WDTC1: variants seen among roughly 807,000 people sequenced by gnomAD.
WDTC1 encodes WD and tetratricopeptide repeats protein 1.
A neutral mutation model predicts 76.0 loss-of-function variants in WDTC1; 12 were observed. That is an observed-to-expected ratio of 0.16 (90% CI 0.10 to 0.26). WDTC1 has a LOEUF of 0.26. Among genes scored for constraint, WDTC1 ranks in the 10% least tolerant of loss-of-function variants. The pLI, the probability that WDTC1 is intolerant of heterozygous loss-of-function variation, is 1.00. For missense variants in WDTC1, 511 were observed against 908.8 expected (o/e 0.56, Z 5.63); for synonymous variants, 326 against 350.8 (o/e 0.93, Z 0.79).
chr1:27,291,751 G>A (rs1161610116), intron 6 of WDTC1, among the ~76,000 whole-genome samples: 2 of 152,128 alleles, frequency 1.3e-5, no homozygotes, highest in Non-Finnish European at 2.9e-5. Context: ...AGGTAGGAAC[G>A]GAGCAGTGTT....
intron 1 of WDTC1, among the ~76,000 whole-genome samples, chr1:27,253,736 CT>C (rs2012178869): frequency 6.6e-6 from 1 of 152,062 alleles, no homozygotes; most frequent in Admixed American, 6.6e-5. Flanking sequence ...TAATTTCAGC[CT>C]TTTTGCCTCT....
chr1:27,263,115 G>C, intron 2 of WDTC1, 37 bp from the exon 3 acceptor site: 3 of 1,606,338 alleles, frequency 1.9e-6, no homozygotes, highest in Non-Finnish European at 2.6e-6. Context: ...ATATTTAATT[G>C]AATCAATGAA....
chr1:27,237,863 A>G (rs2011525251), intron 1 of WDTC1, among the ~76,000 whole-genome samples: 1 of 149,062 alleles, frequency 6.7e-6, no homozygotes, highest in African/African-American at 2.5e-5. Context: ...CTCCATCTCA[A>G]AAAAAAAAAA....
At chr1:27,257,573 C>G (rs2012325105) in intron 1 of WDTC1, among the ~76,000 whole-genome samples, 1 of 152,126 alleles carries the variant, frequency 6.6e-6, no homozygotes, top group South Asian at 2.1e-4. Context: ...TAGTGTTTAG[C>G]TTACATTAAT....
intron 1 of WDTC1, among the ~76,000 whole-genome samples, chr1:27,248,738 T>C (rs1418316841): frequency 1.3e-5 from 2 of 152,108 alleles, no homozygotes; most frequent in African/African-American, 4.8e-5. Context: ...TGGCTCACTG[T>C]AGCCGAAACC....
chr1:27,302,958 A>G (rs1400024215), intron 13 of WDTC1, among the ~76,000 whole-genome samples: 2 of 152,060 alleles, frequency 1.3e-5, no homozygotes, highest in Non-Finnish European at 2.9e-5. Context: ...TTACTGCCCT[A>G]AGTGCCATGA....
intron 1 of WDTC1, among the ~76,000 whole-genome samples, chr1:27,250,634 T>C (rs1048686670): frequency 6.6e-6 from 1 of 152,166 alleles, no homozygotes; most frequent in African/African-American, 2.4e-5. Flanking sequence ...CTAAGTATTA[T>C]ATGTTTTTCT....
rs537666491 is a variant in WDTC1, at chr1:27,303,566, T to C, written c.1469-55T>C. On this transcript the variant is annotated intron_variant, in intron 13 of 15. Coordinates refer to ENST00000319394, the MANE Select transcript of WDTC1 (RefSeq NM_001276252.2). This position sits in a 1 kb window ranked among gnomAD's most constrained non-coding sequence, Gnocchi z 4.8. ...AAACAGAGCCATAGGTGGGGGAAAA[T>C]AGGGAAGGAGAGAAAGGAACAAGGC... 3.9e-6 allele frequency: 6 copies of C among 1,523,010 alleles called. No homozygotes were observed. In the African/African-American group the frequency reaches 8.5e-5, roughly 22 times the overall value. 94.3% of individuals were successfully genotyped at this position (1,523,010 alleles called of 1,614,324 possible). A position where few individuals can be genotyped will look rare whatever the true frequency, so the allele number is the denominator to read the frequency against.
chr1:27,261,017 C>T lies in WDTC1; in HGVS notation c.-38C>T. On this transcript the variant is annotated 5_prime_UTR_variant, in exon 2 of 16. Coordinates refer to ENST00000319394, the MANE Select transcript of WDTC1 (RefSeq NM_001276252.2). Reference sequence around the variant, plus strand: ...TGGAATGCTCAGGGGTCCTGAAGATCCTATTATAGCTTCCTTCTGTTGAAC... The same window carrying T: ...TGGAATGCTCAGGGGTCCTGAAGATTCTATTATAGCTTCCTTCTGTTGAAC... 1 of 1,612,638 alleles carries T rather than the reference C, an allele frequency of 6.2e-7. No homozygotes were observed. The highest frequency in any genetic ancestry group is 1.1e-5 in the South Asian group (1 of 90,916).
chr1:27,249,045 A>G (rs182235535), intron 1 of WDTC1, among the ~76,000 whole-genome samples: 25 of 152,280 alleles, frequency 1.6e-4, no homozygotes, highest in African/African-American at 5.8e-4. Context: ...AGGCAGACAG[A>G]TCACTTGAGG....
At chr1:27,291,546 T>TG (rs2013535931) in intron 6 of WDTC1, among the ~76,000 whole-genome samples, 1 of 152,186 alleles carries the variant, frequency 6.6e-6, no homozygotes, top group Non-Finnish European at 1.5e-5. Context: ...ACCTGTGTAT[T>TG]GGCAGCACAA....
chr1:27,298,200 C>T, intron 12 of WDTC1, 89 bp downstream of exon 12: 2 of 1,451,950 alleles, frequency 1.4e-6, no homozygotes, highest in South Asian at 2.9e-5. Flanking sequence ...GCCAAGTTGC[C>T]AAGGCATCCA....
chr1:27,306,199 C>T lies in WDTC1; in HGVS notation c.1850C>T (p.Thr617Ile), dbSNP rs140564293. ...TCTCCACCACAGAGTGAAGACCTCA[C>T]AGGCCGAGTCGTGGAAGATATGGAG... is the stretch of plus-strand genomic sequence containing the variant. ...WNPRPESEDLTGRVVEDMEGA... is the reference protein window; with the variant it reads ...WNPRPESEDLIGRVVEDMEGA... The change falls in exon 16 of 16, where the codon ACA becomes ATA. Residue 617 changes from threonine (T) to isoleucine (I), a missense_variant. Transcript: ENST00000319394. The surrounding 1 kb of genome is among the most constrained non-coding windows in gnomAD (Gnocchi z 5.0). 1.9e-6 allele frequency: 3 copies of T among 1,614,124 alleles called. No homozygotes were observed. Among genetic ancestry groups the T allele is most frequent in the Non-Finnish European group, 2.5e-6 (3 of 1,180,016 alleles).
At chr1:27,284,828 T>A (rs1489045687) in intron 5 of WDTC1, among the ~76,000 whole-genome samples, 1 of 151,322 alleles carries the variant, frequency 6.6e-6, no homozygotes, top group African/African-American at 2.4e-5. Flanking sequence ...ACACTGCAGA[T>A]GTATATGTAT....
At chr1:27,272,841 CA>C (rs1570962128) in intron 3 of WDTC1, among the ~76,000 whole-genome samples, 1 of 151,988 alleles carries the variant, frequency 6.6e-6, no homozygotes, top group Admixed American at 6.6e-5. Context: ...CCCAGGAGGT[CA>C]AGGCTGCAGT....
intron 1 of WDTC1, among the ~76,000 whole-genome samples, chr1:27,249,738 C>T (rs2011973032): frequency 6.6e-6 from 1 of 152,050 alleles, no homozygotes; most frequent in African/African-American, 2.4e-5. Context: ...GGCCACCACA[C>T]CTGGCTAATT....
At chr1:27,293,004 G>A (rs1182973815) in intron 7 of WDTC1, among the ~76,000 whole-genome samples, 9 of 148,934 alleles carry the variant, frequency 6.0e-5, no homozygotes, top group Non-Finnish European at 1.0e-4. Flanking sequence ...TGCCCGCCTC[G>A]GCCTCCCAAA....
intron 5 of WDTC1, among the ~76,000 whole-genome samples, chr1:27,286,713 C>T (rs1256072728): frequency 2.0e-5 from 3 of 151,938 alleles, no homozygotes; most frequent in Non-Finnish European, 2.9e-5. Flanking sequence ...CTGCCCGCCT[C>T]AGCCTCCCAA....
intron 1 of WDTC1, among the ~76,000 whole-genome samples, chr1:27,242,730 A>G (rs544156281): frequency 1.3e-5 from 2 of 152,214 alleles, no homozygotes; most frequent in Admixed American, 6.5e-5. Context: ...CGGCCTCCCA[A>G]AGTGCTGGGA....
Sources: gnomAD v4.1 joint callset for allele counts (sites outside exome capture counted in the v4.1 genomes callset) on GRCh38, gnomAD v4.1.1 for gene constraint, Gnocchi (gnomAD v3.1) non-coding constraint, MANE v1.5 for transcripts, NCBI Gene and HGNC (gene_info 2026-07-23, HGNC 2026-07-21) for gene names.